Variants in GPC5 observed in about 807,000 individuals in gnomAD.
The protein encoded by GPC5 is glypican-5.
In GPC5, 47 loss-of-function variants were observed where a neutral mutation model predicts 53.9. The observed-to-expected ratio is 0.87, with a 90% CI of 0.69 to 1.11. GPC5 has a LOEUF of 1.11. GPC5 is among the 50% of genes most tolerant of loss of function. GPC5 has a pLI of 0.00. For synonymous variants in GPC5, 286 were observed against 263.3 expected, an observed-to-expected ratio of 1.09 and a Z score of -0.84; for missense variants, 748 against 713.1, an observed-to-expected ratio of 1.05 and a Z score of -0.56.
chr13:92,521,215 A>G (rs1303459871), intron 7 of GPC5, among the ~76,000 whole-genome samples: 3 of 152,220 alleles, frequency 2.0e-5, no homozygotes, highest in Non-Finnish European at 4.4e-5. Context: ...GGTAATTTAC[A>G]GAGTCGATGC....
intron 7 of GPC5, among the ~76,000 whole-genome samples, chr13:92,550,250 T>A (rs575326176): frequency 2.0e-5 from 3 of 151,952 alleles, no homozygotes; most frequent in South Asian, 4.1e-4. Flanking sequence ...TTTAATGCAT[T>A]CTCAGCAAGA....
At position 92,527,249 on chromosome 13, in the gene GPC5, GAGAAAGAAAGAAAGAA is replaced by G. The variant is rs199630577; in HGVS notation, c.1562-339015_1562-339000del. ...AGAAAGAAAGAAAGAAAGAAAGAAA[GAGAAAGAAAGAAAGAA>G]AGAAAGAAAGAAAGAAAAAGATCAA... On this transcript the variant is annotated intron_variant, in intron 7 of 7. Coordinates refer to ENST00000377067, the MANE Select transcript of GPC5 (RefSeq NM_004466.6). Among the ~76,000 whole-genome samples, 113 of 32,718 alleles carry G rather than the reference GAGAAAGAAAGAAAGAA, an allele frequency of 3.5e-3. 5 individuals carry two copies. The highest frequency in any genetic ancestry group is 0.011 in the African/African-American group (109 of 9,644). The allele number at this position is 32,718 out of a possible 152,430, so 21.5% of individuals were successfully genotyped here. A position where few individuals can be genotyped will look rare whatever the true frequency, so the allele number is the denominator to read the frequency against.
At chr13:92,543,448 C>T (rs1328699763) in intron 7 of GPC5, among the ~76,000 whole-genome samples, 1 of 151,778 alleles carries the variant, frequency 6.6e-6, no homozygotes, top group Non-Finnish European at 1.5e-5. Context: ...GTGACTTAAG[C>T]ATGTAGGGGA....
At chr13:91,874,543 T>A (rs533397251) in intron 5 of GPC5, among the ~76,000 whole-genome samples, 1 of 152,194 alleles carries the variant, frequency 6.6e-6, no homozygotes, top group Non-Finnish European at 1.5e-5. Flanking sequence ...GCCCATATAT[T>A]TTGACTACCC....
chr13:92,523,950 A>C (rs1881172912), intron 7 of GPC5, among the ~76,000 whole-genome samples: 2 of 152,106 alleles, frequency 1.3e-5, no homozygotes, highest in Admixed American at 1.3e-4. Flanking sequence ...AAAAATTGCT[A>C]ACAATCATCT....
intron 6 of GPC5, among the ~76,000 whole-genome samples, chr13:91,926,884 A>G (rs915963727): frequency 2.0e-5 from 3 of 152,232 alleles, no homozygotes; most frequent in African/African-American, 7.2e-5. Flanking sequence ...CTTTCTCCAC[A>G]TTCATAAAAT....
intron 5 of GPC5, among the ~76,000 whole-genome samples, chr13:91,855,811 GT>G (rs1319211018): frequency 6.6e-6 from 1 of 151,388 alleles, no homozygotes; most frequent in Admixed American, 6.6e-5. Context: ...TTTAATTTTA[GT>G]TTTTTATTAT....
chr13:91,811,323 A>G (rs890881837), intron 5 of GPC5, among the ~76,000 whole-genome samples: 5 of 152,132 alleles, frequency 3.3e-5, no homozygotes, highest in African/African-American at 9.6e-5. Flanking sequence ...GGGAAGACAG[A>G]TAAGTGTTAC....
chr13:92,056,453 G>A (rs2041075233), intron 6 of GPC5, among the ~76,000 whole-genome samples: 1 of 152,174 alleles, frequency 6.6e-6, no homozygotes, highest in Non-Finnish European at 1.5e-5. Context: ...AGATTTGAAT[G>A]TGAAAATCTT....
At chr13:91,409,301 T>C (rs991639681) in intron 1 of GPC5, among the ~76,000 whole-genome samples, 3 of 152,132 alleles carry the variant, frequency 2.0e-5, no homozygotes, top group African/African-American at 7.2e-5. Context: ...TTTGATCAAC[T>C]TAAAAGGTAA....
intron 3 of GPC5, among the ~76,000 whole-genome samples, chr13:91,714,702 A>C (rs1471849008): frequency 6.6e-6 from 1 of 152,002 alleles, no homozygotes; most frequent in Non-Finnish European, 1.5e-5. Flanking sequence ...AATAGGGAGG[A>C]TAGGAGTTAG....
At chr13:91,638,972 A>G (rs764462801) in intron 2 of GPC5, among the ~76,000 whole-genome samples, 3 of 152,254 alleles carry the variant, frequency 2.0e-5, no homozygotes, top group Non-Finnish European at 4.4e-5. Flanking sequence ...ATGCTTAAAG[A>G]AAGTAAAGAT....
intron 6 of GPC5, among the ~76,000 whole-genome samples, chr13:91,942,811 A>G (rs2039940059): frequency 6.6e-6 from 1 of 152,124 alleles, no homozygotes; most frequent in African/African-American, 2.4e-5. Flanking sequence ...TGCATCTGAA[A>G]CATAGGCACT....
Position 91,503,780 on chromosome 13 carries a change from AAATAAT to A in GPC5, c.325+54892_325+54897del, listed in dbSNP as rs74995934. On this transcript the variant is annotated intron_variant, in intron 2 of 7. Transcript: ENST00000377067. The stretch of plus-strand genomic sequence containing the variant: ...GGGGACAGAGTGAGACTCTGTCTCA[AAATAAT>A]AATAATAATAATAATAATAATAATA... 7.9e-4 allele frequency among the ~76,000 whole-genome samples: 105 copies of A among 132,880 alleles called. 1 individual carries two copies. Among genetic ancestry groups the A allele is most frequent in the East Asian group, 2.8e-3 (13 of 4,604 alleles). 87.2% of individuals were successfully genotyped at this position (132,880 alleles called of 152,430 possible).
chr13:92,235,339 C>T (rs1230203670), intron 7 of GPC5, among the ~76,000 whole-genome samples: 1 of 152,070 alleles, frequency 6.6e-6, no homozygotes, highest in African/African-American at 2.4e-5. Context: ...TTGAAATAGA[C>T]TCCTGATCAT....
At chr13:91,739,816 A>G (rs772981351) in intron 4 of GPC5, among the ~76,000 whole-genome samples, 3 of 151,430 alleles carry the variant, frequency 2.0e-5, no homozygotes, top group Non-Finnish European at 4.4e-5. Flanking sequence ...TCTTCATTGT[A>G]GAAGGGGACT....
chr13:91,824,396 G>A (rs2038543630), intron 5 of GPC5, among the ~76,000 whole-genome samples: 1 of 152,012 alleles, frequency 6.6e-6, no homozygotes, highest in Non-Finnish European at 1.5e-5. Context: ...CCCAGACAGT[G>A]TTTTAATAAG....
intron 2 of GPC5, among the ~76,000 whole-genome samples, chr13:91,608,273 T>C (rs949616718): frequency 1.9e-4 from 29 of 152,302 alleles, no homozygotes; most frequent in African/African-American, 6.5e-4. Flanking sequence ...TAATAGATGA[T>C]AATAAAATAT....
intron 2 of GPC5, among the ~76,000 whole-genome samples, chr13:91,546,698 T>A (rs532858221): frequency 7.9e-4 from 120 of 152,150 alleles, no homozygotes; most frequent in African/African-American, 2.8e-3. Context: ...ACCAGCAAAA[T>A]GAAGCTTGAA....
Sources: gnomAD v4.1 joint callset for allele counts (sites outside exome capture counted in the v4.1 genomes callset) on GRCh38, gnomAD v4.1.1 for gene constraint, MANE v1.5 for transcripts, NCBI Gene and HGNC (gene_info 2026-07-23, HGNC 2026-07-21) for gene names.